Variants in MLLT1 observed in about 807,000 individuals in gnomAD.
MLLT1 encodes the protein MLLT1 super elongation complex subunit.
Under a neutral mutation model 55.1 loss-of-function variants are expected in MLLT1, and 11 were observed. The ratio of observed to expected loss-of-function variants is 0.20; its 90% confidence interval spans 0.13 to 0.33. The LOEUF is 0.33. Ranked by LOEUF, MLLT1 falls within the 10% of genes least tolerant of loss-of-function variation. The pLI is 1.00. For synonymous variants in MLLT1, 323 were observed against 320.1 expected (o/e 1.01, Z -0.10); for missense variants, 536 against 760.6 (o/e 0.70, Z 3.47).
chr19:6,232,291 T>TC (rs2091019224), intron 3 of MLLT1, among the ~76,000 whole-genome samples: 1 of 152,030 alleles, frequency 6.6e-6, no homozygotes, highest in Admixed American at 6.6e-5. Context: ...TGTCCTAACA[T>TC]TATGGGCAGC....
intron 1 of MLLT1, 65 bp downstream of exon 1, chr19:6,279,708 C>T (rs865835550): frequency 1.1e-5 from 1 of 91,964 alleles, no homozygotes; most frequent in Non-Finnish European, 2.4e-5. Flanking sequence ...CGGGGAGGGC[C>T]GGGCGGGCCG....
In MLLT1 at chr19:6,223,730, T is replaced by C. The variant is rs547918329; in HGVS notation, c.547-1046A>G. 2.6e-5 allele frequency among the ~76,000 whole-genome samples: 4 copies of C among 152,158 alleles called. No individual in the cohort carries two copies. The East Asian group carries it at 5.8e-4, about 22-fold the overall frequency. On this transcript the variant is annotated intron_variant, in intron 5 of 11. Coordinates refer to ENST00000252674, the MANE Select transcript of MLLT1 (RefSeq NM_005934.4). ...TGTTTCTGCCCTACACCCCATCCGA[T>C]AGGCACACTGCCAGCACTCCCCACG... is the stretch of plus-strand genomic sequence containing the variant.
At chr19:6,246,308 C>T (rs1023000552) in intron 3 of MLLT1, among the ~76,000 whole-genome samples, 4 of 152,110 alleles carry the variant, frequency 2.6e-5, no homozygotes, top group African/African-American at 7.2e-5. Context: ...GAACTGAAAA[C>T]GTGGTCACAC....
rs1483971936 is a variant in MLLT1 at position 6,270,143 on chromosome 19, C to T, written c.193+436G>A. ...GTGCTGAATCAATGACGGCCTGAGG[C>T]TTGAAGGGAGAGGGAAGACACGGAA... On this transcript the variant is annotated intron_variant, in intron 2 of 11. Transcript: ENST00000252674. This position sits in a 1 kb window ranked among gnomAD's most constrained non-coding sequence, Gnocchi z 7.1. 1.3e-5 allele frequency among the ~76,000 whole-genome samples: 2 copies of T among 150,798 alleles called. No homozygotes were observed. The highest frequency in any genetic ancestry group is 4.9e-5 in the African/African-American group (2 of 40,960).
chr19:6,214,701 T>C (rs1223378503), intron 8 of MLLT1, among the ~76,000 whole-genome samples: 2 of 152,166 alleles, frequency 1.3e-5, no homozygotes, highest in Non-Finnish European at 2.9e-5. Context: ...TCTGCGTGCC[T>C]GGGGTCCCGC....
intron 1 of MLLT1, among the ~76,000 whole-genome samples, chr19:6,272,696 C>G (rs1247652069): frequency 6.6e-6 from 1 of 152,196 alleles, no homozygotes; most frequent in Non-Finnish European, 1.5e-5. Flanking sequence ...GGACAGGAGG[C>G]CTGGACGATG....
At chr19:6,265,049 C>CAAAAAAAAAAAA (rs2091336941) in intron 2 of MLLT1, among the ~76,000 whole-genome samples, 1 of 23,302 alleles carries the variant, frequency 4.3e-5, no homozygotes, top group Non-Finnish European at 1.2e-4. Flanking sequence ...AAAAAAAAAA[C>CAAAAAAAAAAAA]AAAAAAACAA....
rs2144853263 is a variant in MLLT1, at chr19:6,219,092, C to T, written c.1111-1051G>A. Among the ~76,000 whole-genome samples, 1 of 152,258 alleles carries T rather than the reference C, an allele frequency of 6.6e-6. No individual in the cohort carries two copies. Among genetic ancestry groups the T allele is most frequent in the Admixed American group, 6.5e-5 (1 of 15,298 alleles). ...CAGGACCTTGAGTGCCTGGGAGCCC[C>T]CGGCCCCTCCCCTAGCATGTGGAGG... On this transcript the variant is annotated intron_variant, in intron 6 of 11. Transcript: ENST00000252674. The surrounding 1 kb of genome is among the most constrained non-coding windows in gnomAD (Gnocchi z 4.5).
At chr19:6,228,158 T>C (rs1041484691) in intron 4 of MLLT1, among the ~76,000 whole-genome samples, 22 of 152,252 alleles carry the variant, frequency 1.4e-4, no homozygotes, top group African/African-American at 4.3e-4. Context: ...CAGCCGTCCC[T>C]GAAAACACGC....
chr19:6,277,645 A>G (rs918913754), intron 1 of MLLT1, among the ~76,000 whole-genome samples: 12 of 152,050 alleles, frequency 7.9e-5, no homozygotes, highest in Non-Finnish European at 7.4e-5. Flanking sequence ...TCCCACTTAC[A>G]TAAGTGACAG....
At position 6,229,028 on chromosome 19, in the gene MLLT1, G is replaced by C. The variant is rs1022663963; in HGVS notation, c.420+1542C>G. On this transcript the variant is annotated intron_variant, in intron 4 of 11. Transcript: ENST00000252674. This position sits in a 1 kb window ranked among gnomAD's most constrained non-coding sequence, Gnocchi z 5.2. The stretch of plus-strand genomic sequence containing the variant: ...TGCCCTCAGAGCCTTCATCGCTGTG[G>C]AGCAAAGGAAGCCGCCTCCCACAGG... Among the ~76,000 whole-genome samples the C allele has an allele frequency of 6.6e-6, 1 of 152,170 alleles. No homozygotes were observed. Among genetic ancestry groups the C allele is most frequent in the Non-Finnish European group, 1.5e-5 (1 of 68,016 alleles).
chr19:6,254,077 T>A (rs1181376310), intron 3 of MLLT1, among the ~76,000 whole-genome samples: 1 of 152,176 alleles, frequency 6.6e-6, no homozygotes, highest in Non-Finnish European at 1.5e-5. Context: ...TGGGGGCTGG[T>A]TGCCAGGGGA....
chr19:6,238,896 C>T (rs993934754), intron 3 of MLLT1, among the ~76,000 whole-genome samples: 9 of 152,270 alleles, frequency 5.9e-5, no homozygotes, highest in African/African-American at 2.2e-4. Flanking sequence ...AGGCGGCTAC[C>T]TTGGAACTAG....
intron 3 of MLLT1, among the ~76,000 whole-genome samples, chr19:6,243,668 G>A (rs79844550): frequency 7.7e-5 from 11 of 141,998 alleles, no homozygotes; most frequent in Non-Finnish European, 1.4e-4. Flanking sequence ...CCCCAGCCCC[G>A]CTTCATCACC....
intron 3 of MLLT1, among the ~76,000 whole-genome samples, chr19:6,247,189 A>AGGGT (rs2091176490): frequency 6.6e-6 from 1 of 151,936 alleles, no homozygotes. Flanking sequence ...ACAGATGTAA[A>AGGGT]GGGTGGGGGT....
chr19:6,213,788 G>A lies in MLLT1; in HGVS notation c.1417C>T (p.Arg473Trp), dbSNP rs770736676. 9.3e-6 allele frequency: 15 copies of A among 1,611,272 alleles called. No homozygotes were observed. The highest frequency in any genetic ancestry group is 3.3e-5 in the Admixed American group (2 of 59,734). ...TTGCTGCAGGACTCGGGGCTCCTCC[G>A]GCCTGACACCTGCAGGGAACCCAGG... ...PPPPNSKVSG[R>W]RSPESCSKPE... The change falls in exon 10 of 12, where the codon CGG becomes TGG. Residue 473 changes from arginine (R) to tryptophan (W), a missense_variant. Around this residue, in one of 3 missense-constraint regions of MLLT1, gnomAD observed 449 missense variants for 489.0 expected, o/e 0.92. Transcript: ENST00000252674.
intron 1 of MLLT1, among the ~76,000 whole-genome samples, chr19:6,274,820 G>A (rs908750789): frequency 2.6e-5 from 4 of 152,226 alleles, no homozygotes; most frequent in African/African-American, 9.6e-5. Flanking sequence ...ATGGGCACGA[G>A]CGCTCCAAGG....
At chr19:6,225,662 C>T (rs918779975) in intron 5 of MLLT1, among the ~76,000 whole-genome samples, 1 of 152,196 alleles carries the variant, frequency 6.6e-6, no homozygotes, top group African/African-American at 2.4e-5. Context: ...GTGGAGCCCA[C>T]AGGCCTCCTA....
At chr19:6,248,340 G>A (rs934049152) in intron 3 of MLLT1, among the ~76,000 whole-genome samples, 4 of 152,166 alleles carry the variant, frequency 2.6e-5, no homozygotes, top group African/African-American at 7.2e-5. Flanking sequence ...TTTAACCTAC[G>A]CCCACCAGGA....
Sources: gnomAD v4.1 joint callset for allele counts (sites outside exome capture counted in the v4.1 genomes callset) on GRCh38, gnomAD v4.1.1 for gene constraint, gnomAD v4.1.1 regional missense constraint, Gnocchi (gnomAD v3.1) non-coding constraint, MANE v1.5 for transcripts, NCBI Gene and HGNC (gene_info 2026-07-23, HGNC 2026-07-21) for gene names.